Variants in SORCS2 observed in about 807,000 individuals in gnomAD.
SORCS2 encodes sortilin related VPS10 domain containing receptor 2.
In SORCS2, 100 loss-of-function variants were observed where a neutral mutation model predicts 141.6. The observed-to-expected ratio is 0.71, with a 90% CI of 0.60 to 0.83. The LOEUF (loss-of-function observed/expected upper bound fraction) is 0.83, where lower values mean the gene tolerates loss of function less well. Ranked by LOEUF, SORCS2 falls within the 40% of genes least tolerant of loss-of-function variation. The probability of loss-of-function intolerance (pLI) is 0.00; values close to 1 mark genes in which losing one functional copy is unlikely to be tolerated. For synonymous variants in SORCS2, 789 were observed against 676.9 expected (o/e 1.17, Z -2.57); for missense variants, 1,646 against 1,560.2 (o/e 1.05, Z -0.93).
chr4:7,361,810 GC>G (rs1382539298), intron 1 of SORCS2, among the ~76,000 whole-genome samples: 1 of 151,352 alleles, frequency 6.6e-6, no homozygotes, highest in Non-Finnish European at 1.5e-5. Flanking sequence ...CTAATGCCGG[GC>G]AAGGCTAAAG....
At chr4:7,234,002 C>A (rs1242478203) in intron 1 of SORCS2, among the ~76,000 whole-genome samples, 1 of 152,160 alleles carries the variant, frequency 6.6e-6, no homozygotes, top group Non-Finnish European at 1.5e-5. Context: ...CTCCAGGGAG[C>A]CCATGCATCT....
At chr4:7,728,325 G>T (rs755884511) in intron 21 of SORCS2, 25 bp from the exon 22 acceptor site, 3 of 1,577,566 alleles carry the variant, frequency 1.9e-6, no homozygotes, top group Non-Finnish European at 2.6e-6. Context: ...GAACTGACCA[G>T]TCTCCCTTCT....
chr4:7,587,770 C>G (rs1299369099), intron 3 of SORCS2, among the ~76,000 whole-genome samples: 1 of 152,198 alleles, frequency 6.6e-6, no homozygotes, highest in Non-Finnish European at 1.5e-5. Context: ...CTGTTTGCCC[C>G]CTCTTTCCAG....
chr4:7,738,507 A>T (rs1712383864), intron 26 of SORCS2, among the ~76,000 whole-genome samples: 1 of 151,992 alleles, frequency 6.6e-6, no homozygotes, highest in Non-Finnish European at 1.5e-5. Context: ...CTTAATCCCC[A>T]TCTGGGCCTG....
intron 1 of SORCS2, among the ~76,000 whole-genome samples, chr4:7,283,057 A>G (rs1365858457): frequency 6.6e-6 from 1 of 151,958 alleles, no homozygotes; most frequent in Non-Finnish European, 1.5e-5. Flanking sequence ...TCATTCATTC[A>G]CCCATTCATT....
intron 4 of SORCS2, 114 bp from the exon 5 acceptor site, chr4:7,654,020 G>A: frequency 9.8e-7 from 1 of 1,022,732 alleles, no homozygotes; most frequent in Non-Finnish European, 1.5e-6. Flanking sequence ...GTGTCCGCTG[G>A]ACAAGGATGA....
At chr4:7,600,927 C>A (rs1234466230) in intron 3 of SORCS2, among the ~76,000 whole-genome samples, 1 of 152,068 alleles carries the variant, frequency 6.6e-6, no homozygotes, top group Non-Finnish European at 1.5e-5. Context: ...AATTAACAGC[C>A]CAGGCTGGTG....
chr4:7,627,970 G>A (rs192312144), intron 3 of SORCS2, among the ~76,000 whole-genome samples: 35 of 152,354 alleles, frequency 2.3e-4, no homozygotes, highest in African/African-American at 8.4e-4. Context: ...GCACCCAAGC[G>A]GGGGCCTGGC....
intron 17 of SORCS2, among the ~76,000 whole-genome samples, chr4:7,716,088 T>C (rs1229125000): frequency 1.3e-5 from 2 of 152,248 alleles, no homozygotes; most frequent in African/African-American, 4.8e-5. Context: ...TCATGTAAAA[T>C]GTTAGGTACA....
At chr4:7,234,709 T>A (rs565228203) in intron 1 of SORCS2, among the ~76,000 whole-genome samples, 4 of 152,374 alleles carry the variant, frequency 2.6e-5, no homozygotes, top group Non-Finnish European at 5.9e-5. Context: ...CTGTCTTTGC[T>A]GTCACGGTGC....
intron 1 of SORCS2, among the ~76,000 whole-genome samples, chr4:7,371,989 G>A (rs1225786796): frequency 6.6e-6 from 1 of 152,214 alleles, no homozygotes; most frequent in Non-Finnish European, 1.5e-5. Flanking sequence ...TATCCTGGCA[G>A]CTGGGCAGAG....
rs756262212 is a variant in SORCS2 at position 7,741,490 on chromosome 4, G to C, written c.*1226G>C. 60 of 358,226 alleles carry C rather than the reference G, an allele frequency of 1.7e-4. No homozygotes were observed. The highest frequency in any genetic ancestry group is 2.6e-4 in the Non-Finnish European group (52 of 202,064). 22.2% of individuals were successfully genotyped at this position (358,226 alleles called of 1,614,324 possible). On this transcript the variant is annotated 3_prime_UTR_variant, in exon 27 of 27. Transcript: ENST00000507866. The stretch of plus-strand genomic sequence containing the variant: ...TTTGCCTTGAAATGGGAAGTCAGTA[G>C]CCCCTTCCTCCTCCTCCCTCCTCCC...
At chr4:7,416,813 TG>T (rs1231661438) in intron 2 of SORCS2, among the ~76,000 whole-genome samples, 1 of 151,020 alleles carries the variant, frequency 6.6e-6, no homozygotes, top group Non-Finnish European at 1.5e-5. Flanking sequence ...CATGCATGCA[TG>T]TACACACTTG....
At chr4:7,309,731 G>A (rs75847122) in intron 1 of SORCS2, among the ~76,000 whole-genome samples, 2,045 of 152,296 alleles carry the variant, frequency 0.013, 43 homozygotes, top group African/African-American at 0.047. Context: ...GGGGTCAAGC[G>A]TGGGCGGGGA....
rs569867171 is a variant in SORCS2 at position 7,616,694 on chromosome 4, T to C, written c.649-21634T>C. ...TTTCTGCCTAATTATAAAAATACAT[T>C]GCAATAGAAATCACAAAACAGAACA... On this transcript the variant is annotated intron_variant, in intron 3 of 26. Transcript: ENST00000507866. 8.1e-4 allele frequency among the ~76,000 whole-genome samples: 123 copies of C among 152,358 alleles called. 1 individual carries two copies. Among genetic ancestry groups the C allele is most frequent in the Middle Eastern group, 3.4e-3 (1 of 294 alleles).
At chr4:7,698,821 G>A (rs535179566) in intron 12 of SORCS2, among the ~76,000 whole-genome samples, 24 of 151,956 alleles carry the variant, frequency 1.6e-4, no homozygotes, top group Middle Eastern at 3.4e-3. Context: ...AGGCCTGTGC[G>A]TGTGGCAGGG....
intron 2 of SORCS2, among the ~76,000 whole-genome samples, chr4:7,397,927 G>A (rs1309379256): frequency 6.6e-6 from 1 of 152,172 alleles, no homozygotes; most frequent in Non-Finnish European, 1.5e-5. Flanking sequence ...TCAAGTGCTG[G>A]GCTGCAGTCC....
chr4:7,357,256 C>T (rs1336903090), intron 1 of SORCS2, among the ~76,000 whole-genome samples: 1 of 152,120 alleles, frequency 6.6e-6, no homozygotes, highest in Non-Finnish European at 1.5e-5. Flanking sequence ...AGCGCTTGAC[C>T]TTTGTTCCTT....
chr4:7,206,853 C>G (rs996407364), intron 1 of SORCS2, among the ~76,000 whole-genome samples: 2 of 152,132 alleles, frequency 1.3e-5, no homozygotes, highest in African/African-American at 2.4e-5. Flanking sequence ...CAAGACAAAA[C>G]AAGAAACCCA....
Sources: allele counts gnomAD v4.1 joint callset (sites outside exome capture counted in the v4.1 genomes callset), GRCh38; gene constraint gnomAD v4.1.1; transcripts MANE v1.5; gene names NCBI Gene and HGNC (gene_info 2026-07-23, HGNC 2026-07-21).